TRPC7: variants seen among roughly 807,000 people sequenced by gnomAD.
TRPC7 encodes short transient receptor potential channel 7.
TRPC7 carries 42 observed loss-of-function variants against 90.1 expected under a neutral mutation model. The observed-to-expected ratio is 0.47, with a 90% CI of 0.36 to 0.60. The LOEUF (loss-of-function observed/expected upper bound fraction) is 0.60. TRPC7 is among the 20% of genes least tolerant of loss of function. The probability of loss-of-function intolerance (pLI) is 0.00; values close to 1 mark genes in which losing one functional copy is unlikely to be tolerated. For missense variants in TRPC7, 955 were observed against 1,112.3 expected (o/e 0.86, Z 2.01); for synonymous variants, 451 against 436.3 (o/e 1.03, Z -0.42).
At chr5:136,357,508 C>T in intron 1 of TRPC7, 123 bp from the exon 2 acceptor site, 1 of 1,030,052 alleles carries the variant, frequency 9.7e-7, no homozygotes, top group Non-Finnish European at 1.4e-6. Context: ...ATTGTGCAAT[C>T]TTACAAATCA....
intron 3 of TRPC7, among the ~76,000 whole-genome samples, chr5:136,294,071 G>T (rs1290548817): frequency 1.3e-5 from 2 of 152,136 alleles, no homozygotes; most frequent in African/African-American, 4.8e-5. Context: ...ATGGTGCTGG[G>T]AAAACTGGCT....
chr5:136,285,730 C>T (rs1455524222), intron 3 of TRPC7, among the ~76,000 whole-genome samples: 5 of 152,276 alleles, frequency 3.3e-5, no homozygotes, highest in Non-Finnish European at 5.9e-5. Context: ...TGTAATCTCC[C>T]GGCTGGACAA....
At chr5:136,309,514 C>T (rs10057337) in intron 3 of TRPC7, among the ~76,000 whole-genome samples, 30,658 of 152,090 alleles carry the variant, frequency 0.2, 4,377 homozygotes, top group African/African-American at 0.4. Flanking sequence ...ATCATTAGTG[C>T]TAGCTGCCAA....
intron 3 of TRPC7, among the ~76,000 whole-genome samples, chr5:136,287,751 T>C (rs1757780143): frequency 7.6e-6 from 1 of 131,872 alleles, no homozygotes; most frequent in Non-Finnish European, 1.6e-5. Context: ...AAAACCTCTG[T>C]TGAATGAATA....
Position 136,265,800 on chromosome 5 carries a change from C to CTATGAA in TRPC7, c.1345+414_1345+419dup, listed in dbSNP as rs200241377. Among the ~76,000 whole-genome samples, 942 of 152,246 alleles carry CTATGAA rather than the reference C, an allele frequency of 6.2e-3. 9 individuals are homozygous for CTATGAA. Among genetic ancestry groups the CTATGAA allele is most frequent in the African/African-American group, 0.021 (862 of 41,536 alleles). ...ATGTATATTTATTATCACAATTCTACTATGAATATGAATATTTAGTGATAA... is the reference window on the plus strand; with the variant it reads ...ATGTATATTTATTATCACAATTCTACTATGAATATGAATATGAATATTTAGTGATAA... On this transcript the variant is annotated intron_variant, in intron 5 of 11. Coordinates refer to ENST00000513104, the MANE Select transcript of TRPC7 (RefSeq NM_020389.3).
At position 136,320,706 on chromosome 5, in the gene TRPC7, G is replaced by T. The variant is rs142003807; in HGVS notation, c.781-4927C>A. Among the ~76,000 whole-genome samples, 487 of 152,204 alleles carry T rather than the reference G, an allele frequency of 3.2e-3. 11 individuals carry two copies. The highest frequency in any genetic ancestry group is 0.029 in the Admixed American group (440 of 15,286). On this transcript the variant is annotated intron_variant, in intron 2 of 11. Coordinates refer to ENST00000513104, the MANE Select transcript of TRPC7 (RefSeq NM_020389.3). ...GGATTCAGTCTACTCCAGCCACTCTGGTGCCCCTGCTATTCTTCAAACACA... is the reference window on the plus strand; with the variant it reads ...GGATTCAGTCTACTCCAGCCACTCTTGTGCCCCTGCTATTCTTCAAACACA...
At chr5:136,323,418 G>C (rs1276252846) in intron 2 of TRPC7, among the ~76,000 whole-genome samples, 1 of 152,040 alleles carries the variant, frequency 6.6e-6, no homozygotes, top group Non-Finnish European at 1.5e-5. Flanking sequence ...CTTAATGCAA[G>C]GTCATAAATG....
At chr5:136,305,209 A>G (rs1050472503) in intron 3 of TRPC7, among the ~76,000 whole-genome samples, 20 of 151,950 alleles carry the variant, frequency 1.3e-4, no homozygotes, top group Non-Finnish European at 1.8e-4. Flanking sequence ...CCATGACTGT[A>G]TCTCTCTGAT....
chr5:136,279,672 AC>A (rs1210319446), intron 3 of TRPC7, among the ~76,000 whole-genome samples: 1 of 151,958 alleles, frequency 6.6e-6, no homozygotes, highest in Non-Finnish European at 1.5e-5. Context: ...AACTCTCTCC[AC>A]CCCACTGGAG....
intron 3 of TRPC7, among the ~76,000 whole-genome samples, chr5:136,282,148 T>C (rs1757568669): frequency 6.6e-6 from 1 of 152,232 alleles, no homozygotes; most frequent in African/African-American, 2.4e-5. Context: ...TGGGAATGCT[T>C]TCTTTAAATA....
At chr5:136,233,635 C>T (rs1338737967) in intron 7 of TRPC7, among the ~76,000 whole-genome samples, 5 of 152,192 alleles carry the variant, frequency 3.3e-5, no homozygotes, top group Admixed American at 2.0e-4. Context: ...CAGACAAGGG[C>T]TGATCTAGGA....
At chr5:136,297,730 G>A (rs1257197930) in intron 3 of TRPC7, among the ~76,000 whole-genome samples, 1 of 152,106 alleles carries the variant, frequency 6.6e-6, no homozygotes, top group African/African-American at 2.4e-5. Context: ...AAGGTCATAA[G>A]TCATGTTCTG....
chr5:136,250,605 A>T (rs933129249), intron 6 of TRPC7, among the ~76,000 whole-genome samples: 1 of 152,254 alleles, frequency 6.6e-6, no homozygotes, highest in Admixed American at 6.5e-5. Flanking sequence ...AACTTATTTT[A>T]AAATAAGTAA....
At chr5:136,268,433 C>T (rs1757107128) in intron 4 of TRPC7, among the ~76,000 whole-genome samples, 2 of 152,196 alleles carry the variant, frequency 1.3e-5, no homozygotes, top group East Asian at 1.9e-4. Flanking sequence ...ATAGACACAG[C>T]TCTTAAGGGG....
At chr5:136,248,770 T>C (rs1318399303) in intron 6 of TRPC7, among the ~76,000 whole-genome samples, 1 of 152,240 alleles carries the variant, frequency 6.6e-6, no homozygotes, top group Non-Finnish European at 1.5e-5. Flanking sequence ...AAAGTGTTCC[T>C]ATTGCAGTTC....
At chr5:136,295,742 C>G (rs1052353183) in intron 3 of TRPC7, among the ~76,000 whole-genome samples, 1 of 152,210 alleles carries the variant, frequency 6.6e-6, no homozygotes, top group African/African-American at 2.4e-5. Context: ...AGTAGTTTAT[C>G]CTATGGTTGA....
intron 3 of TRPC7, among the ~76,000 whole-genome samples, chr5:136,310,311 A>G (rs575143330): frequency 1.4e-3 from 200 of 147,670 alleles, no homozygotes; most frequent in African/African-American, 5.0e-3. Context: ...CAGTGAGTGA[A>G]TGAATAAAAA....
intron 7 of TRPC7, among the ~76,000 whole-genome samples, chr5:136,238,645 G>A (rs1381632105): frequency 2.6e-5 from 4 of 152,188 alleles, no homozygotes; most frequent in Non-Finnish European, 4.4e-5. Context: ...CCGTCAGCCT[G>A]AGAAGCAGAT....
chr5:136,223,556 C>T (rs555146126), intron 10 of TRPC7, among the ~76,000 whole-genome samples: 10 of 151,436 alleles, frequency 6.6e-5, no homozygotes, highest in South Asian at 2.1e-4. Flanking sequence ...GAGGTTGCAG[C>T]GAGCCGAGAT....
Sources: gnomAD v4.1 joint callset for allele counts (sites outside exome capture counted in the v4.1 genomes callset) on GRCh38, gnomAD v4.1.1 for gene constraint, MANE v1.5 for transcripts, NCBI Gene and HGNC (gene_info 2026-07-23, HGNC 2026-07-21) for gene names.